Variants in ZNF66 observed in about 807,000 individuals in gnomAD.
ZNF66 encodes zinc finger protein 66, also known as putative zinc finger protein 66.
In ZNF66, 32 loss-of-function variants were observed where a neutral mutation model predicts 35.2. The ratio of observed to expected loss-of-function variants is 0.91; its 90% CI spans 0.69 to 1.22. The LOEUF (loss-of-function observed/expected upper bound fraction) is 1.22. Among genes scored for constraint, ZNF66 ranks in the 50% most tolerant of loss-of-function variants. ZNF66 has a pLI of 0.00. For synonymous variants in ZNF66, 231 were observed against 181.3 expected (o/e 1.27, Z -2.20); for missense variants, 666 against 543.1 (o/e 1.23, Z -2.25).
intron 1 of ZNF66, among the ~76,000 whole-genome samples, chr19:20,780,038 G>A (rs75451838): frequency 6.6e-6 from 1 of 152,128 alleles, no homozygotes. Flanking sequence ...TTGAACCCAG[G>A]AGGTGGAGGT....
intron 3 of ZNF66, among the ~76,000 whole-genome samples, chr19:20,803,815 G>T (rs1334298724): frequency 6.6e-6 from 1 of 152,096 alleles, no homozygotes; most frequent in Non-Finnish European, 1.5e-5. Context: ...TTTTGGAAGT[G>T]CTTCTTTCTA....
At position 20,806,955 on chromosome 19, in the gene ZNF66, C is replaced by T. The variant is rs1568501988; in HGVS notation, c.1355C>T (p.Pro452Leu). Reference protein sequence around the residue: ...THKIIHTGEKPYECEDCGKAF... With the variant: ...THKIIHTGEKLYECEDCGKAF... ...AAGATAATTCACACTGGAGAGAAAC[C>T]CTACGAATGTGAAGACTGTGGCAAA... The change falls in exon 4 of 4, where the codon CCC (proline) becomes CTC (leucine). Residue 452 changes from proline to leucine, a missense_variant. By Grantham distance (98) the Pro-to-Leu change is moderately conservative. Transcript: ENST00000344519. 1.8e-6 allele frequency: 2 copies of T among 1,135,192 alleles called. No homozygotes were observed. 70.3% of individuals were successfully genotyped at this position (1,135,192 alleles called of 1,614,324 possible).
chr19:20,791,091 C>A (rs1005053958), intron 1 of ZNF66, among the ~76,000 whole-genome samples: 1 of 152,092 alleles, frequency 6.6e-6, no homozygotes. Context: ...CTCAAGATTT[C>A]TATTGGGGAA....
chr19:20,778,829 T>C (rs2144888933), intron 1 of ZNF66, among the ~76,000 whole-genome samples: 1 of 151,850 alleles, frequency 6.6e-6, no homozygotes, highest in African/African-American at 2.4e-5. Flanking sequence ...CCTTCCCTTA[T>C]GTAAACACTG....
intron 1 of ZNF66, among the ~76,000 whole-genome samples, chr19:20,780,082 G>T (rs549166217): frequency 1.3e-5 from 2 of 151,702 alleles, no homozygotes; most frequent in African/African-American, 4.8e-5. Flanking sequence ...CTGCACTCCA[G>T]CCTGGGTGAC....
In ZNF66 at chr19:20,779,965, G is replaced by A. The variant is rs10414866; in HGVS notation, c.3+3515G>A. The stretch of plus-strand genomic sequence containing the variant: ...AAAAACACCAAAACAACAAAAATTC[G>A]CCAGGTGTGGTGATGGGCACCTGTA... On this transcript the variant is annotated intron_variant, in intron 1 of 3. Coordinates refer to ENST00000344519, the MANE Select transcript of ZNF66 (RefSeq NM_001355197.2). Among the ~76,000 whole-genome samples the A allele has an allele frequency of 6.4e-3, 961 of 150,234 alleles. 15 individuals carry two copies. Among genetic ancestry groups the A allele is most frequent in the African/African-American group, 0.022 (914 of 40,856 alleles).
rs181139887 is a variant in ZNF66 at position 20,793,560 on chromosome 19, A to G, written c.131-223A>G. ...CTGGTCTCAAACTCCTGACCTTAGG[A>G]TCTGCCTGCCTCGGCCTCCCAAGGT... On this transcript the variant is annotated intron_variant, in intron 2 of 3. Coordinates refer to ENST00000344519, the MANE Select transcript of ZNF66 (RefSeq NM_001355197.2). Among the ~76,000 whole-genome samples, 261 of 151,866 alleles carry G rather than the reference A, an allele frequency of 1.7e-3. 2 individuals carry two copies. Among genetic ancestry groups the G allele is most frequent in the African/African-American group, 5.8e-3 (242 of 41,448 alleles).
rs971804544 is a variant in ZNF66, at chr19:20,808,266, C to A, written c.*944C>A. Among the ~76,000 whole-genome samples the A allele has an allele frequency of 1.3e-5, 2 of 152,244 alleles. No individual in the cohort carries two copies. Among genetic ancestry groups the A allele is most frequent in the African/African-American group, 4.8e-5 (2 of 41,468 alleles). The stretch of plus-strand genomic sequence containing the variant: ...GGCCTGCCTGCCTCTGTAGGCTCCA[C>A]CTCTGGGGTCAGGGCACAGACAAAA... On this transcript the variant is annotated 3_prime_UTR_variant, in exon 4 of 4. Coordinates refer to ENST00000344519, the MANE Select transcript of ZNF66 (RefSeq NM_001355197.2).
At chr19:20,799,089 T>C (rs575478991) in intron 3 of ZNF66, 2 of 133,778 alleles carry the variant, frequency 1.5e-5, no homozygotes, top group South Asian at 4.8e-4. Flanking sequence ...TGAGATGGAA[T>C]CTTGCTCTGT....
chr19:20,798,219 T>C (rs1971413469), intron 3 of ZNF66, among the ~76,000 whole-genome samples: 2 of 152,066 alleles, frequency 1.3e-5, no homozygotes, highest in South Asian at 2.1e-4. Context: ...CAAAAAAATA[T>C]GTAATTTTTT....
rs142052913 is a variant in ZNF66 at position 20,797,189 on chromosome 19, A to ATTTT, written c.226+3344_226+3347dup. On this transcript the variant is annotated intron_variant, in intron 3 of 3. Coordinates refer to ENST00000344519, the MANE Select transcript of ZNF66 (RefSeq NM_001355197.2). ...ATAATGCATCAATGTTGCATGCTAG[A>ATTTT]TTTTTTTTTTTTTTTTTTTTTTTTT... is the stretch of plus-strand genomic sequence containing the variant. Among the ~76,000 whole-genome samples the ATTTT allele has an allele frequency of 1.1e-3, 51 of 45,478 alleles. 9 individuals carry two copies. The highest frequency in any genetic ancestry group is 3.4e-3 in the South Asian group (3 of 882). 29.8% of individuals were successfully genotyped at this position (45,478 alleles called of 152,430 possible). A position where few individuals can be genotyped will look rare whatever the true frequency, so the allele number is the denominator to read the frequency against.
In ZNF66 at chr19:20,798,215, AAT is replaced by A. The variant is rs1397256279; in HGVS notation, c.226+4340_226+4341del. Among the ~76,000 whole-genome samples, 11 of 152,122 alleles carry A rather than the reference AAT, an allele frequency of 7.2e-5. No homozygotes were observed. The East Asian group carries it at 1.9e-3, about 27-fold the overall frequency. Reference sequence around the variant, plus strand: ...GTGATTTGAAGGTAATTTTCAAAAAAATATGTAATTTTTTTTTCAGTTTTTCT... The same window carrying A: ...GTGATTTGAAGGTAATTTTCAAAAAAATGTAATTTTTTTTTCAGTTTTTCT... On this transcript the variant is annotated intron_variant, in intron 3 of 3. Transcript: ENST00000344519.
At chr19:20,800,700 A>G (rs1355243877) in intron 3 of ZNF66, among the ~76,000 whole-genome samples, 1 of 152,184 alleles carries the variant, frequency 6.6e-6, no homozygotes, top group Non-Finnish European at 1.5e-5. Context: ...TTCCACCATG[A>G]TTTTAAGCTT....
At chr19:20,781,204 ACT>A (rs938164238) in intron 1 of ZNF66, among the ~76,000 whole-genome samples, 7 of 151,830 alleles carry the variant, frequency 4.6e-5, no homozygotes, top group Non-Finnish European at 8.8e-5. Flanking sequence ...CCTGCATTGC[ACT>A]CTCTCCTGCC....
At position 20,809,902 on chromosome 19, in the gene ZNF66, C is replaced by G. The variant is rs1291719310; in HGVS notation, c.*2580C>G. Among the ~76,000 whole-genome samples the G allele has an allele frequency of 2.6e-5, 4 of 152,156 alleles. No individual in the cohort carries two copies. The highest frequency in any genetic ancestry group is 3.9e-4 in the East Asian group (2 of 5,194). The stretch of plus-strand genomic sequence containing the variant: ...CAGACAGGCAAATTGGATAAATAGT[C>G]AAGACCCATCAGGGTGCTGTATTCA... On this transcript the variant is annotated 3_prime_UTR_variant, in exon 4 of 4. Transcript: ENST00000344519.
At position 20,806,084 on chromosome 19, in the gene ZNF66, A is replaced by C. The variant is rs1483062493; in HGVS notation, c.484A>C (p.Arg162=). ...CTTTCATCAATTTTCAAATACAAAC[A>C]GACATAAGATAAGACATACTGGAAA... is the stretch of plus-strand genomic sequence containing the variant. ...KVFHQFSNTN[R]HKIRHTGKNP... Residue 162 remains arginine, a synonymous_variant, in exon 4 of 4, where the codon AGA becomes CGA. Coordinates refer to ENST00000344519, the MANE Select transcript of ZNF66 (RefSeq NM_001355197.2). 2.3e-6 allele frequency: 2 copies of C among 871,824 alleles called. No homozygotes were observed. Among genetic ancestry groups the C allele is most frequent in the East Asian group, 4.8e-5 (2 of 41,668 alleles). The allele number at this position is 871,824 out of a possible 1,614,324, so 54.0% of individuals were successfully genotyped here.
In ZNF66 at chr19:20,802,428, A is replaced by G. The variant is rs140058848; in HGVS notation, c.227-3399A>G. 1.0e-3 allele frequency among the ~76,000 whole-genome samples: 156 copies of G among 152,308 alleles called. 1 individual carries two copies. The highest frequency in any genetic ancestry group is 3.5e-3 in the African/African-American group (145 of 41,584). ...ATTACAGGTGTGAGTCACTGCACAC[A>G]GCCCAGTTTTCTGAACAAGTGCATG... On this transcript the variant is annotated intron_variant, in intron 3 of 3. Transcript: ENST00000344519.
At position 20,777,368 on chromosome 19, in the gene ZNF66, C is replaced by T. The variant is rs188517947; in HGVS notation, c.3+918C>T. On this transcript the variant is annotated intron_variant, in intron 1 of 3. Coordinates refer to ENST00000344519, the MANE Select transcript of ZNF66 (RefSeq NM_001355197.2). ...AAATTTCCTGGTTATGTAATTAGAG[C>T]TTAATTGGCAGTTTATAGTTGCTGA... is the stretch of plus-strand genomic sequence containing the variant. Among the ~76,000 whole-genome samples the T allele has an allele frequency of 5.1e-3, 765 of 150,842 alleles. 8 individuals carry two copies. Among genetic ancestry groups the T allele is most frequent in the African/African-American group, 0.018 (743 of 41,124 alleles).
chr19:20,786,826 A>G (rs1216149924), intron 1 of ZNF66, among the ~76,000 whole-genome samples: 1 of 152,214 alleles, frequency 6.6e-6, no homozygotes, highest in Non-Finnish European at 1.5e-5. Context: ...CAATGGCACA[A>G]TCTTGGCTCC....
Sources: allele counts gnomAD v4.1 joint callset (sites outside exome capture counted in the v4.1 genomes callset), GRCh38; gene constraint gnomAD v4.1.1; transcripts MANE v1.5; gene names NCBI Gene and HGNC (gene_info 2026-07-23, HGNC 2026-07-21).